Variants in MAST4 observed in about 807,000 individuals in gnomAD.
MAST4 encodes microtubule-associated serine/threonine-protein kinase 4.
In MAST4, 89 loss-of-function variants were observed where a neutral mutation model predicts 162.7. The ratio of observed to expected loss-of-function variants is 0.55; its 90% CI spans 0.46 to 0.65. The LOEUF (loss-of-function observed/expected upper bound fraction) is 0.65, where lower values mean the gene tolerates loss of function less well. MAST4 is among the 30% of genes least tolerant of loss of function. The pLI is 0.00. For synonymous variants in MAST4, 1,479 were observed against 1,361.1 expected (o/e 1.09, Z -1.91); for missense variants, 3,153 against 3,374.0 (o/e 0.93, Z 1.62).
chr5:66,676,299 C>T (rs1470158164), intron 1 of MAST4, among the ~76,000 whole-genome samples: 1 of 152,196 alleles, frequency 6.6e-6, no homozygotes, highest in East Asian at 1.9e-4. Context: ...CAATACCATA[C>T]ACTGACTGTG....
At chr5:66,998,599 C>G (rs10069987) in intron 4 of MAST4, among the ~76,000 whole-genome samples, 32,617 of 152,116 alleles carry the variant, frequency 0.21, 3,953 homozygotes, top group Non-Finnish European at 0.27. Context: ...GTAGCCCTAA[C>G]TTTGTTATCA....
At chr5:66,745,997 T>C (rs970710652) in intron 1 of MAST4, among the ~76,000 whole-genome samples, 48 of 152,196 alleles carry the variant, frequency 3.2e-4, no homozygotes, top group African/African-American at 9.9e-4. Flanking sequence ...GTTGTGGGTG[T>C]AGAAATTTGG....
intron 1 of MAST4, among the ~76,000 whole-genome samples, chr5:66,748,334 C>A (rs1752893936): frequency 1.3e-5 from 2 of 151,422 alleles, no homozygotes; most frequent in South Asian, 4.2e-4. Flanking sequence ...AATATAGGCC[C>A]TTCTTTACTT....
chr5:66,631,636 C>T (rs183464960), intron 1 of MAST4, among the ~76,000 whole-genome samples: 56 of 152,166 alleles, frequency 3.7e-4, no homozygotes, highest in Middle Eastern at 3.4e-3. Context: ...TAACTTTGGA[C>T]GTAAAGCTCT....
intron 4 of MAST4, among the ~76,000 whole-genome samples, chr5:67,052,776 C>T (rs455788): frequency 0.38 from 57,522 of 151,924 alleles, 11,234 homozygotes; most frequent in African/African-American, 0.43. Flanking sequence ...ATAACCTGAA[C>T]TTCAGTTAAT....
chr5:67,120,994 A>G (rs1255622790), intron 13 of MAST4, 23 bp from the exon 14 acceptor site: 3 of 1,540,232 alleles, frequency 1.9e-6, no homozygotes, highest in Non-Finnish European at 2.7e-6. Flanking sequence ...ACTACTTTTT[A>G]ACTTCCATAT....
At chr5:66,750,301 G>A (rs1304995969) in intron 1 of MAST4, among the ~76,000 whole-genome samples, 2 of 152,210 alleles carry the variant, frequency 1.3e-5, no homozygotes, top group African/African-American at 2.4e-5. Flanking sequence ...GAGCCAAGAT[G>A]GCCGAATAGG....
chr5:66,612,857 T>C (rs1743384267), intron 1 of MAST4, among the ~76,000 whole-genome samples: 1 of 152,198 alleles, frequency 6.6e-6, no homozygotes, highest in Non-Finnish European at 1.5e-5. Flanking sequence ...GTCTTCTGCT[T>C]TTCTCTTTAA....
chr5:66,733,007 A>G (rs553734479), intron 1 of MAST4, among the ~76,000 whole-genome samples: 2 of 152,114 alleles, frequency 1.3e-5, no homozygotes, highest in African/African-American at 4.8e-5. Context: ...ATCATAATCC[A>G]GGTCTTCCCT....
chr5:66,852,726 C>A (rs1759403654), intron 3 of MAST4, among the ~76,000 whole-genome samples: 1 of 152,160 alleles, frequency 6.6e-6, no homozygotes, highest in Non-Finnish European at 1.5e-5. Flanking sequence ...CATTGCAATG[C>A]AAGTTCTCGG....
In MAST4 at chr5:66,670,070, A is replaced by G. The variant is rs555741651; in HGVS notation, c.363+73052A>G. On this transcript the variant is annotated intron_variant, in intron 1 of 28. Coordinates refer to ENST00000403625, the MANE Select transcript of MAST4 (RefSeq NM_001164664.2). ...GCTCAAATTTGGTTGTTTACACTGC[A>G]GAATTGGGGTGAGTTCCAGCGAAGG... is the stretch of plus-strand genomic sequence containing the variant. Among the ~76,000 whole-genome samples, 33 of 152,322 alleles carry G rather than the reference A, an allele frequency of 2.2e-4. No homozygotes were observed. In the South Asian group the frequency reaches 6.2e-3, roughly 29 times the overall value.
At chr5:66,926,309 A>G (rs1418243288) in intron 4 of MAST4, among the ~76,000 whole-genome samples, 2 of 152,174 alleles carry the variant, frequency 1.3e-5, no homozygotes, top group Non-Finnish European at 2.9e-5. Flanking sequence ...GCACTTTGGG[A>G]GGCCAAGATG....
At chr5:66,706,098 A>G (rs545601745) in intron 1 of MAST4, among the ~76,000 whole-genome samples, 1 of 152,306 alleles carries the variant, frequency 6.6e-6, no homozygotes, top group East Asian at 1.9e-4. Context: ...TACTGTGAAG[A>G]TTCCTAGGCT....
intron 26 of MAST4, 131 bp downstream of exon 26, chr5:67,153,711 A>G: frequency 1.2e-6 from 1 of 865,480 alleles, no homozygotes; most frequent in Non-Finnish European, 1.6e-6. Flanking sequence ...TCTCAAGTTT[A>G]AAGACAAAGA....
chr5:66,999,366 A>G (rs2150309860), intron 4 of MAST4, among the ~76,000 whole-genome samples: 1 of 152,314 alleles, frequency 6.6e-6, no homozygotes, highest in African/African-American at 2.4e-5. Flanking sequence ...CCATATATGT[A>G]TTCTACTCTA....
intron 4 of MAST4, among the ~76,000 whole-genome samples, chr5:67,014,107 T>C (rs77937920): frequency 6.6e-6 from 1 of 152,120 alleles, no homozygotes; most frequent in East Asian, 1.9e-4. Flanking sequence ...TTTTTTTTTT[T>C]CCATGTAAGG....
intron 4 of MAST4, among the ~76,000 whole-genome samples, chr5:66,979,393 C>T (rs1207485790): frequency 6.6e-6 from 1 of 152,040 alleles, no homozygotes; most frequent in African/African-American, 2.4e-5. Flanking sequence ...AAAAAATAGT[C>T]ATTAGTTTGG....
intron 26 of MAST4, among the ~76,000 whole-genome samples, chr5:67,154,972 A>G (rs1442791492): frequency 6.6e-6 from 1 of 152,084 alleles, no homozygotes; most frequent in Non-Finnish European, 1.5e-5. Flanking sequence ...GTATTATGGT[A>G]CTCTCGAATG....
chr5:67,047,747 A>T (rs747661382), intron 4 of MAST4, among the ~76,000 whole-genome samples: 4 of 152,176 alleles, frequency 2.6e-5, no homozygotes, highest in Non-Finnish European at 5.9e-5. Context: ...CTCTGATTTC[A>T]TGGGCCATAG....
Sources: gnomAD v4.1 joint callset for allele counts (sites outside exome capture counted in the v4.1 genomes callset) on GRCh38, gnomAD v4.1.1 for gene constraint, MANE v1.5 for transcripts, NCBI Gene and HGNC (gene_info 2026-07-23, HGNC 2026-07-21) for gene names.